CSMD1: variants seen among roughly 807,000 people sequenced by gnomAD.
CSMD1 encodes the protein CUB and Sushi multiple domains 1.
CSMD1 carries 213 observed loss-of-function variants against 417.5 expected under a neutral mutation model. That is an observed-to-expected ratio of 0.51 (90% CI 0.46 to 0.57). CSMD1 has a LOEUF of 0.57. CSMD1 is among the 20% of genes least tolerant of loss of function. The probability of loss-of-function intolerance (pLI) is 0.00; values close to 1 mark genes in which losing one functional copy is unlikely to be tolerated. For missense variants in CSMD1, 6,923 were observed against 4,529.7 expected, an observed-to-expected ratio of 1.53 and a Z score of -15.17; for synonymous variants, 2,862 against 1,736.8, an observed-to-expected ratio of 1.65 and a Z score of -16.11.
intron 3 of CSMD1, among the ~76,000 whole-genome samples, chr8:4,377,025 G>A (rs954297402): frequency 5.3e-5 from 8 of 152,172 alleles, no homozygotes; most frequent in African/African-American, 1.9e-4. Flanking sequence ...TGGCAAGTGG[G>A]ATGGCCTCGT....
At chr8:4,028,927 C>T (rs144775631) in intron 4 of CSMD1, among the ~76,000 whole-genome samples, 17 of 152,198 alleles carry the variant, frequency 1.1e-4, no homozygotes, top group Admixed American at 5.9e-4. Flanking sequence ...GTCATTGGAA[C>T]AGTAAAATAG....
At chr8:4,117,683 G>C (rs1431664426) in intron 3 of CSMD1, among the ~76,000 whole-genome samples, 1 of 152,144 alleles carries the variant, frequency 6.6e-6, no homozygotes, top group Non-Finnish European at 1.5e-5. Flanking sequence ...CTGTATACCT[G>C]ACACTGGCCT....
intron 12 of CSMD1, among the ~76,000 whole-genome samples, chr8:3,427,167 AT>A (rs1585148759): frequency 1.3e-5 from 2 of 152,260 alleles, no homozygotes; most frequent in East Asian, 3.9e-4. Context: ...AAAAATCAAG[AT>A]GAGATTTTGG....
At chr8:2,956,774 T>C (rs930609128) in intron 63 of CSMD1, among the ~76,000 whole-genome samples, 2 of 152,140 alleles carry the variant, frequency 1.3e-5, no homozygotes, top group Non-Finnish European at 2.9e-5. Flanking sequence ...AATTCTAAAA[T>C]TGTGCATGCA....
chr8:4,296,402 A>C (rs1166596304), intron 3 of CSMD1, among the ~76,000 whole-genome samples: 1 of 152,196 alleles, frequency 6.6e-6, no homozygotes, highest in East Asian at 1.9e-4. Flanking sequence ...TAATGATTTA[A>C]AATAAAGGGT....
At chr8:4,055,652 TTAATG>T (rs1300593479) in intron 3 of CSMD1, among the ~76,000 whole-genome samples, 1 of 152,072 alleles carries the variant, frequency 6.6e-6, no homozygotes, top group Non-Finnish European at 1.5e-5. Context: ...CAGAAACTGT[TTAATG>T]TAATTATAAA....
chr8:4,385,814 A>G (rs1029457297), intron 3 of CSMD1, among the ~76,000 whole-genome samples: 4 of 152,162 alleles, frequency 2.6e-5, no homozygotes, highest in African/African-American at 9.7e-5. Context: ...TCATAGCTTA[A>G]AAATTATTTT....
chr8:3,810,487 G>C lies in CSMD1; in HGVS notation c.819-56445C>G, dbSNP rs566443319. On this transcript the variant is annotated intron_variant, in intron 5 of 69. Transcript: ENST00000635120. ...CACTGCAGACTCTGAGGCAGCCTTT[G>C]GGACCTGGGGCTGGTCATGGAAGAG... is the stretch of plus-strand genomic sequence containing the variant. Among the ~76,000 whole-genome samples, 4 of 152,216 alleles carry C rather than the reference G, an allele frequency of 2.6e-5. No individual in the cohort carries two copies. In the East Asian group the frequency reaches 7.8e-4, roughly 29 times the overall value.
chr8:4,548,973 G>C (rs1033461790), intron 2 of CSMD1, among the ~76,000 whole-genome samples: 27 of 152,214 alleles, frequency 1.8e-4, no homozygotes, highest in African/African-American at 6.3e-4. Context: ...AAAGTTTTGA[G>C]ACGCAATTGT....
intron 3 of CSMD1, among the ~76,000 whole-genome samples, chr8:4,135,235 G>A (rs372132427): frequency 6.6e-6 from 1 of 151,748 alleles, no homozygotes; most frequent in Non-Finnish European, 1.5e-5. Context: ...TGTCCCATGG[G>A]AATATATTTA....
intron 3 of CSMD1, among the ~76,000 whole-genome samples, chr8:4,395,005 G>C (rs574435): frequency 1.3e-5 from 2 of 152,130 alleles, no homozygotes; most frequent in Non-Finnish European, 2.9e-5. Context: ...CAGCAGAGGA[G>C]GTAGACCCTT....
intron 1 of CSMD1, among the ~76,000 whole-genome samples, chr8:4,717,662 A>C (rs962742189): frequency 6.6e-5 from 10 of 151,988 alleles, no homozygotes; most frequent in Non-Finnish European, 1.3e-4. Flanking sequence ...GTGAGTGGGA[A>C]GGAATTTACA....
At chr8:3,608,695 T>C (rs1403853703) in intron 8 of CSMD1, among the ~76,000 whole-genome samples, 1 of 146,000 alleles carries the variant, frequency 6.8e-6, no homozygotes, top group East Asian at 2.0e-4. Context: ...ACTTGAGAGG[T>C]GGAGGCTGCA....
chr8:4,040,654 A>G (rs552845077), intron 3 of CSMD1, among the ~76,000 whole-genome samples: 3 of 152,310 alleles, frequency 2.0e-5, no homozygotes, highest in Admixed American at 6.5e-5. Flanking sequence ...CACAACCATA[A>G]CATAGTTTTA....
intron 3 of CSMD1, among the ~76,000 whole-genome samples, chr8:4,352,353 TCA>T (rs1393545244): frequency 3.3e-5 from 5 of 152,218 alleles, no homozygotes; most frequent in Non-Finnish European, 7.3e-5. Context: ...TAGAATGTTC[TCA>T]GATAATTCAC....
At chr8:4,941,798 C>G (rs1174367060) in intron 1 of CSMD1, among the ~76,000 whole-genome samples, 1 of 152,080 alleles carries the variant, frequency 6.6e-6, no homozygotes, top group African/African-American at 2.4e-5. Flanking sequence ...AGGGTCTCCC[C>G]ATGTTGCCCA....
chr8:3,308,837 C>A (rs1805101741), intron 23 of CSMD1, among the ~76,000 whole-genome samples: 1 of 149,758 alleles, frequency 6.7e-6, no homozygotes, highest in Non-Finnish European at 1.5e-5. Context: ...GATTCTCCTG[C>A]CTCAGCCTCC....
intron 10 of CSMD1, among the ~76,000 whole-genome samples, chr8:3,542,640 T>A (rs756210274): frequency 6.6e-6 from 1 of 152,068 alleles, no homozygotes; most frequent in South Asian, 2.1e-4. Flanking sequence ...ACATAGGAGG[T>A]AACACAGGAC....
intron 1 of CSMD1, among the ~76,000 whole-genome samples, chr8:4,767,744 G>C (rs909442092): frequency 6.6e-6 from 1 of 152,118 alleles, no homozygotes; most frequent in Admixed American, 6.5e-5. Flanking sequence ...GCTTGATTTT[G>C]CATTTATTTA....
Sources: gnomAD v4.1 joint callset for allele counts (sites outside exome capture counted in the v4.1 genomes callset) on GRCh38, gnomAD v4.1.1 for gene constraint, MANE v1.5 for transcripts, NCBI Gene and HGNC (gene_info 2026-07-23, HGNC 2026-07-21) for gene names.